Variants in CLIC4 observed in about 807,000 individuals in gnomAD.
CLIC4 encodes chloride intracellular channel protein 4.
CLIC4 carries 13 observed loss-of-function variants against 24.6 expected under a neutral mutation model. The ratio of observed to expected loss-of-function variants is 0.53; its 90% CI spans 0.34 to 0.84. CLIC4 has a LOEUF of 0.84. Among genes scored for constraint, CLIC4 ranks in the 40% least tolerant of loss-of-function variants. The pLI is 0.01. For missense variants in CLIC4, 227 were observed against 301.7 expected, an observed-to-expected ratio of 0.75 and a Z score of 1.83; for synonymous variants, 104 against 111.3, an observed-to-expected ratio of 0.93 and a Z score of 0.41.
chr1:24,776,469 T>A (rs545845744), intron 1 of CLIC4, among the ~76,000 whole-genome samples: 1 of 152,208 alleles, frequency 6.6e-6, no homozygotes, highest in Non-Finnish European at 1.5e-5. Context: ...GTTGATCCTA[T>A]AGGAGGAACT....
intron 1 of CLIC4, among the ~76,000 whole-genome samples, chr1:24,783,913 C>T (rs1639235313): frequency 6.6e-6 from 1 of 151,934 alleles, no homozygotes; most frequent in Admixed American, 6.6e-5. Flanking sequence ...AAACAGTGAC[C>T]AGTTACTGGC....
chr1:24,807,341 A>G (rs575919295), intron 2 of CLIC4, among the ~76,000 whole-genome samples: 2 of 152,046 alleles, frequency 1.3e-5, no homozygotes, highest in South Asian at 4.1e-4. Flanking sequence ...AAGAAATAAC[A>G]CTTGAATATA....
chr1:24,775,224 CTTTT>C, intron 1 of CLIC4, among the ~76,000 whole-genome samples: 35 of 90,660 alleles, frequency 3.9e-4, no homozygotes, highest in Admixed American at 1.2e-3. Context: ...TTCTTTCTTT[CTTTT>C]TTTTTTTTTT....
intron 1 of CLIC4, 117 bp downstream of exon 1, chr1:24,745,742 C>T (rs1165871959): frequency 8.1e-6 from 6 of 742,584 alleles, no homozygotes; most frequent in Non-Finnish European, 1.2e-5. Context: ...ACCCGTCCCG[C>T]TGCGGGCACC....
chr1:24,759,428 G>A (rs1638892242), intron 1 of CLIC4, among the ~76,000 whole-genome samples: 1 of 152,006 alleles, frequency 6.6e-6, no homozygotes, highest in East Asian at 1.9e-4. Flanking sequence ...ATGGTTGTTG[G>A]TGGTAGGTTC....
chr1:24,774,744 G>A (rs992623938), intron 1 of CLIC4, among the ~76,000 whole-genome samples: 3 of 151,866 alleles, frequency 2.0e-5, no homozygotes, highest in Admixed American at 6.6e-5. Context: ...TGAGAGCTGC[G>A]CTTCAGCTTA....
At chr1:24,781,864 C>A (rs1276343340) in intron 1 of CLIC4, among the ~76,000 whole-genome samples, 1 of 152,010 alleles carries the variant, frequency 6.6e-6, no homozygotes, top group Non-Finnish European at 1.5e-5. Context: ...GTTGACCAGG[C>A]TGGTCTCAAA....
chr1:24,829,633 A>C (rs1639820465), intron 4 of CLIC4, among the ~76,000 whole-genome samples: 1 of 152,200 alleles, frequency 6.6e-6, no homozygotes, highest in Non-Finnish European at 1.5e-5. Flanking sequence ...AGTCATTGAT[A>C]TTTATAATAC....
chr1:24,842,767 A>G lies in CLIC4; in HGVS notation c.*1830A>G, dbSNP rs1017737630. On this transcript the variant is annotated 3_prime_UTR_variant, in exon 6 of 6. Transcript: ENST00000374379. ...AGGAAGATGCACTATTCAGTTATCT[A>G]TTGAGAAATTATTTTGCAGTGGTTT... The G allele has an allele frequency of 1.3e-5, 2 of 152,036 alleles. No homozygotes were observed. The highest frequency in any genetic ancestry group is 2.9e-5 in the Non-Finnish European group (2 of 68,006). 9.4% of individuals were successfully genotyped at this position (152,036 alleles called of 1,614,324 possible). A position where few individuals can be genotyped will look rare whatever the true frequency, so the allele number is the denominator to read the frequency against.
At chr1:24,803,321 T>C (rs1008799241) in intron 2 of CLIC4, among the ~76,000 whole-genome samples, 37 of 152,144 alleles carry the variant, frequency 2.4e-4, no homozygotes, top group African/African-American at 8.4e-4. Flanking sequence ...AACAAACCAG[T>C]GGAGAACAAT....
intron 1 of CLIC4, among the ~76,000 whole-genome samples, chr1:24,784,120 TGATGGGAG>T (rs1311664199): frequency 1.3e-5 from 2 of 152,136 alleles, no homozygotes. Flanking sequence ...CATATGTTTT[TGATGGGAG>T]GGTTTTTGTT....
intron 3 of CLIC4, among the ~76,000 whole-genome samples, chr1:24,816,806 T>C (rs1639675926): frequency 6.6e-6 from 1 of 152,154 alleles, no homozygotes; most frequent in African/African-American, 2.4e-5. Flanking sequence ...TAGAAAGGAA[T>C]CTTTTTTTCC....
At chr1:24,767,895 G>A (rs892840970) in intron 1 of CLIC4, among the ~76,000 whole-genome samples, 1 of 151,748 alleles carries the variant, frequency 6.6e-6, no homozygotes, top group African/African-American at 2.4e-5. Flanking sequence ...CCAGGCTGGA[G>A]TGCAGTGGCA....
intron 1 of CLIC4, among the ~76,000 whole-genome samples, chr1:24,750,491 G>A (rs1242224655): frequency 2.8e-5 from 4 of 142,498 alleles, no homozygotes; most frequent in Admixed American, 7.3e-5. Context: ...TCAGCCTCCC[G>A]AGTGGCTGGG....
chr1:24,816,196 G>C (rs1204773664), intron 3 of CLIC4, among the ~76,000 whole-genome samples: 1 of 142,426 alleles, frequency 7.0e-6, no homozygotes, highest in East Asian at 2.1e-4. Flanking sequence ...TGTTAATGTT[G>C]CTATTTTGAC....
At chr1:24,801,643 T>C (rs979158750) in intron 2 of CLIC4, among the ~76,000 whole-genome samples, 5 of 152,234 alleles carry the variant, frequency 3.3e-5, no homozygotes, top group African/African-American at 1.2e-4. Context: ...ATCTATGTTA[T>C]CCCTCTGAGC....
intron 1 of CLIC4, among the ~76,000 whole-genome samples, chr1:24,750,950 A>G (rs1638766366): frequency 6.6e-6 from 1 of 151,854 alleles, no homozygotes; most frequent in South Asian, 2.1e-4. Context: ...CATATGGTTC[A>G]GAGTGCCTGC....
At chr1:24,800,393 G>T (rs1169505671) in intron 2 of CLIC4, among the ~76,000 whole-genome samples, 4 of 146,254 alleles carry the variant, frequency 2.7e-5, no homozygotes, top group Admixed American at 6.7e-5. Context: ...GGAGGGAGGT[G>T]GGGGGGTCAG....
At chr1:24,788,736 T>C (rs1365039389) in intron 1 of CLIC4, among the ~76,000 whole-genome samples, 3 of 152,234 alleles carry the variant, frequency 2.0e-5, no homozygotes, top group Non-Finnish European at 4.4e-5. Context: ...CTTCTGGGAA[T>C]ATAGAATTTC....
Sources: gnomAD v4.1 joint callset for allele counts (sites outside exome capture counted in the v4.1 genomes callset) on GRCh38, gnomAD v4.1.1 for gene constraint, MANE v1.5 for transcripts, NCBI Gene and HGNC (gene_info 2026-07-23, HGNC 2026-07-21) for gene names.